Variants in ROBO2 observed in about 807,000 individuals in gnomAD.
ROBO2 encodes the protein roundabout guidance receptor 2, also known as roundabout homolog 2.
Under a neutral mutation model 160.8 loss-of-function variants are expected in ROBO2, and 53 were observed. The ratio of observed to expected loss-of-function variants is 0.33; its 90% CI spans 0.26 to 0.41. The LOEUF (loss-of-function observed/expected upper bound fraction) is 0.41. ROBO2 is among the 10% of genes least tolerant of loss of function. The pLI is 1.00. For synonymous variants in ROBO2, 664 were observed against 611.7 expected (o/e 1.09, Z -1.26); for missense variants, 1,577 against 1,722.4 (o/e 0.92, Z 1.49).
chr3:77,574,269 A>C (rs2093707519), intron 13 of ROBO2, among the ~76,000 whole-genome samples: 1 of 151,978 alleles, frequency 6.6e-6, no homozygotes, highest in Non-Finnish European at 1.5e-5. Context: ...GAGGTATTTT[A>C]AACAGGAGAG....
chr3:76,625,128 G>A (rs1427583824), intron 2 of ROBO2, among the ~76,000 whole-genome samples: 3 of 151,804 alleles, frequency 2.0e-5, no homozygotes, highest in Non-Finnish European at 1.5e-5. Flanking sequence ...ACACTGATTT[G>A]TCCCCATGAT....
intron 2 of ROBO2, among the ~76,000 whole-genome samples, chr3:76,287,850 C>A (rs1470441956): frequency 1.3e-5 from 2 of 152,124 alleles, no homozygotes; most frequent in Admixed American, 1.3e-4. Context: ...ATATTAAGTG[C>A]TATGTAATGT....
chr3:77,373,590 G>A (rs1027186812), intron 2 of ROBO2, among the ~76,000 whole-genome samples: 3 of 152,098 alleles, frequency 2.0e-5, no homozygotes, highest in African/African-American at 7.2e-5. Context: ...TTGCGAGTGA[G>A]TACAAAGAGC....
chr3:77,514,737 A>G (rs577562469), intron 5 of ROBO2, among the ~76,000 whole-genome samples: 2 of 151,916 alleles, frequency 1.3e-5, no homozygotes, highest in South Asian at 2.1e-4. Context: ...TTGAAGGGAG[A>G]AATGCATATT....
intron 2 of ROBO2, among the ~76,000 whole-genome samples, chr3:76,752,845 T>G (rs1484115525): frequency 6.6e-6 from 1 of 151,860 alleles, no homozygotes; most frequent in African/African-American, 2.4e-5. Context: ...CTTTAGGGAC[T>G]TTTTTGTATT....
At chr3:76,480,192 A>T (rs1160583521) in intron 2 of ROBO2, among the ~76,000 whole-genome samples, 1 of 152,134 alleles carries the variant, frequency 6.6e-6, no homozygotes. Flanking sequence ...ATTCCTGAAT[A>T]TCTAATTAAA....
chr3:76,797,329 T>C (rs2063776586), intron 2 of ROBO2, among the ~76,000 whole-genome samples: 1 of 152,104 alleles, frequency 6.6e-6, no homozygotes, highest in Non-Finnish European at 1.5e-5. Context: ...CAATGTCCTC[T>C]TGAATGACTA....
intron 2 of ROBO2, among the ~76,000 whole-genome samples, chr3:76,119,875 TC>T (rs1233750091): frequency 7.3e-6 from 1 of 136,236 alleles, no homozygotes; most frequent in Non-Finnish European, 1.5e-5. Flanking sequence ...TCCCCTTCCT[TC>T]CCTTCCTTCC....
At chr3:76,157,537 AT>A (rs1306432681) in intron 2 of ROBO2, among the ~76,000 whole-genome samples, 1 of 152,122 alleles carries the variant, frequency 6.6e-6, no homozygotes, top group African/African-American at 2.4e-5. Flanking sequence ...ACAGATGTAT[AT>A]TTCTGAATAT....
intron 2 of ROBO2, among the ~76,000 whole-genome samples, chr3:76,510,505 C>T (rs1237308847): frequency 6.6e-6 from 1 of 152,130 alleles, no homozygotes; most frequent in Non-Finnish European, 1.5e-5. Context: ...GGGTGGATCA[C>T]CTGAGATCAG....
At chr3:77,325,773 C>G (rs982447568) in intron 2 of ROBO2, among the ~76,000 whole-genome samples, 9 of 150,262 alleles carry the variant, frequency 6.0e-5, no homozygotes, top group Admixed American at 4.7e-4. Context: ...ACTGGTTGTA[C>G]TCATTAAACT....
chr3:76,033,159 GA>G (rs755395326), intron 2 of ROBO2, among the ~76,000 whole-genome samples: 3 of 151,872 alleles, frequency 2.0e-5, no homozygotes, highest in African/African-American at 7.3e-5. Context: ...CCTCAGGGGG[GA>G]AAAATATGGT....
At chr3:77,146,731 G>T (rs1423703489) in intron 2 of ROBO2, among the ~76,000 whole-genome samples, 1 of 152,096 alleles carries the variant, frequency 6.6e-6, no homozygotes, top group African/African-American at 2.4e-5. Context: ...ACTTTGGGAG[G>T]CCGAGGAGGG....
intron 2 of ROBO2, among the ~76,000 whole-genome samples, chr3:76,574,716 A>ACTTTAATGTG (rs2085176596): frequency 1.3e-5 from 2 of 152,058 alleles, no homozygotes; most frequent in Non-Finnish European, 1.5e-5. Context: ...CATCTGTGAA[A>ACTTTAATGTG]TAGAACCGGG....
chr3:75,980,193 T>C (rs1201392116), intron 2 of ROBO2, among the ~76,000 whole-genome samples: 1 of 151,544 alleles, frequency 6.6e-6, no homozygotes, highest in Non-Finnish European at 1.5e-5. Flanking sequence ...GTTTCTCTTA[T>C]TAAGTGAATC....
At chr3:77,187,448 C>T (rs2081382680) in intron 2 of ROBO2, among the ~76,000 whole-genome samples, 1 of 151,872 alleles carries the variant, frequency 6.6e-6, no homozygotes, top group Non-Finnish European at 1.5e-5. Flanking sequence ...AAGTCTATGT[C>T]AAAACAGTAA....
rs1023615948 is a variant in ROBO2 at position 76,845,140 on chromosome 3, G to A, written c.110-252874G>A. On this transcript the variant is annotated intron_variant, in intron 2 of 26. Transcript: ENST00000487694. Reference sequence around the variant, plus strand: ...AACAAAAGTTAAATCGCCAAATACCGTGGTTAAAAAGGATAACTTTTATAA... The same window carrying A: ...AACAAAAGTTAAATCGCCAAATACCATGGTTAAAAAGGATAACTTTTATAA... 3.3e-5 allele frequency among the ~76,000 whole-genome samples: 5 copies of A among 151,902 alleles called. No homozygotes were observed. In the South Asian group the frequency reaches 8.3e-4, roughly 25 times the overall value.
chr3:77,494,423 A>G (rs1465046776), intron 5 of ROBO2, among the ~76,000 whole-genome samples: 1 of 152,126 alleles, frequency 6.6e-6, no homozygotes, highest in Non-Finnish European at 1.5e-5. Flanking sequence ...CTAAAAATAC[A>G]AAAAGTTAGC....
intron 2 of ROBO2, among the ~76,000 whole-genome samples, chr3:75,944,600 C>T (rs72888427): frequency 6.6e-6 from 1 of 152,160 alleles, no homozygotes; most frequent in African/African-American, 2.4e-5. Flanking sequence ...CCTCATCCAT[C>T]AGCAACTTTT....
Sources: allele counts gnomAD v4.1 joint callset (sites outside exome capture counted in the v4.1 genomes callset), GRCh38; gene constraint gnomAD v4.1.1; transcripts MANE v1.5; gene names NCBI Gene and HGNC (gene_info 2026-07-23, HGNC 2026-07-21).